GRID1: variants seen among roughly 807,000 people sequenced by gnomAD.
GRID1 encodes the protein glutamate receptor ionotropic, delta-1.
Under a neutral mutation model 98.0 loss-of-function variants are expected in GRID1, and 28 were observed. That is an observed-to-expected ratio of 0.29 (90% CI 0.21 to 0.39). The LOEUF (loss-of-function observed/expected upper bound fraction) is 0.39. Among genes scored for constraint, GRID1 ranks in the 10% least tolerant of loss-of-function variants. The pLI is 1.00. For missense variants in GRID1, 1,111 were observed against 1,340.5 expected (o/e 0.83, Z 2.67); for synonymous variants, 553 against 538.5 (o/e 1.03, Z -0.37).
chr10:85,724,302 TTCTTCC>T, intron 11 of GRID1, 44 bp downstream of exon 11: 1 of 1,449,452 alleles, frequency 6.9e-7, no homozygotes. Context: ...AATGGATAAG[TTCTTCC>T]AGGCCCCTAG....
chr10:85,907,727 A>G (rs1227415459), intron 5 of GRID1, among the ~76,000 whole-genome samples: 3 of 152,188 alleles, frequency 2.0e-5, no homozygotes, highest in Non-Finnish European at 2.9e-5. Context: ...AAGAAAAAAA[A>G]TTAAATACCA....
At chr10:85,805,606 G>A (rs1447552066) in intron 8 of GRID1, among the ~76,000 whole-genome samples, 1 of 151,896 alleles carries the variant, frequency 6.6e-6, no homozygotes, top group African/African-American at 2.4e-5. Flanking sequence ...CAGTAATGAA[G>A]AAGGTGTGGT....
intron 2 of GRID1, among the ~76,000 whole-genome samples, chr10:86,277,086 T>C (rs557053411): frequency 6.6e-6 from 1 of 152,328 alleles, no homozygotes; most frequent in East Asian, 1.9e-4. Flanking sequence ...AGTTATTGTT[T>C]AACAGGTACA....
intron 8 of GRID1, among the ~76,000 whole-genome samples, chr10:85,749,240 G>A (rs910378307): frequency 6.6e-5 from 10 of 152,070 alleles, no homozygotes; most frequent in Admixed American, 5.2e-4. Flanking sequence ...TTAGCAATGG[G>A]GTCTCTTGCT....
intron 4 of GRID1, among the ~76,000 whole-genome samples, chr10:86,096,766 C>A (rs1844226801): frequency 6.6e-6 from 1 of 152,220 alleles, no homozygotes; most frequent in Admixed American, 6.5e-5. Flanking sequence ...GTTACACCAC[C>A]AGCTAGGTGA....
chr10:86,151,094 C>T (rs1374926885), intron 3 of GRID1, among the ~76,000 whole-genome samples: 2 of 152,128 alleles, frequency 1.3e-5, no homozygotes, highest in South Asian at 2.1e-4. Flanking sequence ...ATGTCTTGCC[C>T]GAGTTTATCT....
intron 2 of GRID1, among the ~76,000 whole-genome samples, chr10:86,278,939 C>T (rs1290170678): frequency 6.6e-6 from 1 of 152,130 alleles, no homozygotes; most frequent in Non-Finnish European, 1.5e-5. Context: ...AAATTACCAC[C>T]ATAACAAAAC....
chr10:86,276,062 A>G (rs1847264930), intron 2 of GRID1, among the ~76,000 whole-genome samples: 1 of 152,246 alleles, frequency 6.6e-6, no homozygotes, highest in Non-Finnish European at 1.5e-5. Flanking sequence ...AGGGATTCCC[A>G]ATGCATTGGT....
intron 2 of GRID1, among the ~76,000 whole-genome samples, chr10:86,242,794 C>A (rs1192910619): frequency 6.6e-6 from 1 of 152,184 alleles, no homozygotes; most frequent in Non-Finnish European, 1.5e-5. Flanking sequence ...CTCCATCCTC[C>A]GAGTAATGAC....
At chr10:86,332,396 GC>G (rs1317088769) in intron 2 of GRID1, among the ~76,000 whole-genome samples, 3 of 152,098 alleles carry the variant, frequency 2.0e-5, no homozygotes, top group Non-Finnish European at 4.4e-5. Context: ...TCTCCCTGCA[GC>G]TCAGAACGCC....
intron 3 of GRID1, among the ~76,000 whole-genome samples, chr10:86,166,530 A>G (rs1564695027): frequency 1.3e-5 from 2 of 152,228 alleles, no homozygotes; most frequent in African/African-American, 4.8e-5. Flanking sequence ...GAGAACTTGC[A>G]AGGCCTATAT....
At chr10:86,070,262 A>T (rs898283325) in intron 4 of GRID1, among the ~76,000 whole-genome samples, 3 of 152,158 alleles carry the variant, frequency 2.0e-5, no homozygotes, top group African/African-American at 7.2e-5. Context: ...GGAAGAAGGC[A>T]TTGGGGCACT....
intron 12 of GRID1, among the ~76,000 whole-genome samples, chr10:85,699,260 C>T (rs972785529): frequency 1.3e-5 from 2 of 152,070 alleles, no homozygotes; most frequent in African/African-American, 2.4e-5. Flanking sequence ...GCAATGTTGG[C>T]CAGGGCTGGT....
chr10:85,917,842 G>A (rs1325004501), intron 4 of GRID1, among the ~76,000 whole-genome samples: 1 of 152,250 alleles, frequency 6.6e-6, no homozygotes, highest in African/African-American at 2.4e-5. Context: ...GCTCTCTCCA[G>A]AGAAGCTGCA....
At chr10:86,314,735 C>T (rs1847875904) in intron 2 of GRID1, among the ~76,000 whole-genome samples, 1 of 152,204 alleles carries the variant, frequency 6.6e-6, no homozygotes. Context: ...TCCCCTTTCC[C>T]AGCACTCCTC....
chr10:86,236,663 C>T (rs1361943024), intron 2 of GRID1, among the ~76,000 whole-genome samples: 1 of 152,232 alleles, frequency 6.6e-6, no homozygotes, highest in Non-Finnish European at 1.5e-5. Flanking sequence ...AGTGCAATAT[C>T]AGCAGGCAGG....
At chr10:85,837,597 CT>C (rs1412793172) in intron 8 of GRID1, among the ~76,000 whole-genome samples, 1 of 151,470 alleles carries the variant, frequency 6.6e-6, no homozygotes, top group Non-Finnish European at 1.5e-5. Context: ...CCACCTTATA[CT>C]ACAATCAAGT....
intron 4 of GRID1, among the ~76,000 whole-genome samples, chr10:85,927,257 C>A (rs1841786802): frequency 6.6e-6 from 1 of 152,246 alleles, no homozygotes; most frequent in Non-Finnish European, 1.5e-5. Context: ...GTGGCATCAT[C>A]TGGCCTGAGA....
intron 8 of GRID1, among the ~76,000 whole-genome samples, chr10:85,734,167 G>T (rs1353380945): frequency 6.6e-6 from 1 of 152,000 alleles, no homozygotes; most frequent in East Asian, 1.9e-4. Context: ...TCCTAGAGGG[G>T]GCATATGGCT....
Sources: allele counts gnomAD v4.1 joint callset (sites outside exome capture counted in the v4.1 genomes callset), GRCh38; gene constraint gnomAD v4.1.1; transcripts MANE v1.5; gene names NCBI Gene and HGNC (gene_info 2026-07-23, HGNC 2026-07-21).